Variants in CIMAP1C observed in about 807,000 individuals in gnomAD.
CIMAP1C encodes outer dense fiber of sperm tails 3 like 1.
chr15:75,724,337 T>G, the CIMAP1C span: 1 of 1,544,026 alleles, frequency 6.5e-7, no homozygotes, highest in Non-Finnish European at 9.0e-7. Context: ...ATCCCCACCC[T>G]GGGCTTGGGC....
At chr15:75,726,212 T>TGGGGGTGGGGAGGTG in the CIMAP1C span, 1 of 495,120 alleles carries the variant, frequency 2.0e-6, no homozygotes, top group Admixed American at 3.1e-5. Context: ...GTTGGGAGGT[T>TGGGGGTGGGGAGGTG]GGGGGGTGGG....
At chr15:75,727,594 C>G in the CIMAP1C span, 2 of 1,502,308 alleles carry the variant, frequency 1.3e-6, no homozygotes, top group Non-Finnish European at 8.9e-7. Flanking sequence ...TTTTTCTACA[C>G]CAAATTGAGC....
the CIMAP1C span, chr15:75,727,108 C>T: frequency 6.2e-7 from 1 of 1,613,810 alleles, no homozygotes; most frequent in African/African-American, 1.3e-5. Context: ...AGAAGATCCA[C>T]CCACCGGGGG....
At chr15:75,727,391 G>A in the CIMAP1C span, 47 of 1,613,844 alleles carry the variant, frequency 2.9e-5, no homozygotes, top group Non-Finnish European at 3.8e-5. Flanking sequence ...CAAGCGCTTC[G>A]CCTACCCTCT....
the CIMAP1C span, chr15:75,724,347 C>T: frequency 1.4e-6 from 2 of 1,469,104 alleles, no homozygotes; most frequent in African/African-American, 1.4e-5. Flanking sequence ...TGGGCTTGGG[C>T]CCCCTCCCCT....
At chr15:75,724,374 C>T in the CIMAP1C span, 4 of 1,195,746 alleles carry the variant, frequency 3.3e-6, no homozygotes, top group South Asian at 4.9e-5. Context: ...AGGACTCCTT[C>T]CAGCCTGCCT....
At chr15:75,727,337 G>C in the CIMAP1C span, 1 of 1,614,090 alleles carries the variant, frequency 6.2e-7, no homozygotes, top group Non-Finnish European at 8.5e-7. Context: ...CGCCCGACCT[G>C]AGCCATCCAT....
chr15:75,724,140 C>A, the CIMAP1C span: 1 of 1,111,310 alleles, frequency 9.0e-7, no homozygotes, highest in Non-Finnish European at 1.4e-6. Context: ...GATACTCTAG[C>A]CCCTTGACTG....
chr15:75,725,264 T>C, the CIMAP1C span: 2 of 1,403,516 alleles, frequency 1.4e-6, no homozygotes, highest in Admixed American at 3.4e-5. Context: ...GGAGCTGTTG[T>C]TGGAGGTTGA....
the CIMAP1C span, chr15:75,726,916 A>C: frequency 1.2e-4 from 132 of 1,091,870 alleles, no homozygotes; most frequent in Middle Eastern, 3.1e-4. Flanking sequence ...GTCCGGCCTA[A>C]GTGACCATTT....
At chr15:75,725,017 C>A in the CIMAP1C span, 3 of 807,892 alleles carry the variant, frequency 3.7e-6, no homozygotes, top group African/African-American at 3.4e-5. Flanking sequence ...GAACAAATAC[C>A]CCCAATGTTC....
At chr15:75,725,929 T>C in the CIMAP1C span, 1 of 622,362 alleles carries the variant, frequency 1.6e-6, no homozygotes, top group South Asian at 2.0e-5. Context: ...GATGAGGAAA[T>C]CAAGGGTCCC....
chr15:75,727,282 G>T, the CIMAP1C span: 1 of 1,614,190 alleles, frequency 6.2e-7, no homozygotes, highest in Non-Finnish European at 8.5e-7. Flanking sequence ...ACAAGAACTG[G>T]TTCTACAAGG....
At chr15:75,726,216 G>T in the CIMAP1C span, 3 of 1,234,948 alleles carry the variant, frequency 2.4e-6, no homozygotes, top group South Asian at 1.3e-5. Context: ...GGAGGTTGGG[G>T]GGTGGGGTGC....
chr15:75,726,166 A>G, the CIMAP1C span: 7 of 1,433,546 alleles, frequency 4.9e-6, no homozygotes, highest in African/African-American at 4.4e-5. Flanking sequence ...CGCATCTCCA[A>G]CCTGCGTAAG....
At chr15:75,724,901 A>G in the CIMAP1C span, among the ~76,000 whole-genome samples, 1 of 152,246 alleles carries the variant, frequency 6.6e-6, no homozygotes. Context: ...GCTTCTTATT[A>G]TGCATTGTCT....
the CIMAP1C span, chr15:75,725,018 C>A: frequency 1.2e-6 from 1 of 817,164 alleles, no homozygotes; most frequent in Non-Finnish European, 2.1e-6. Context: ...AACAAATACC[C>A]CCAATGTTCC....
the CIMAP1C span, chr15:75,726,308 C>A: frequency 1.6e-6 from 1 of 624,104 alleles, no homozygotes; most frequent in Non-Finnish European, 2.9e-6. Flanking sequence ...CTGCAAGACA[C>A]CGACATTGCA....
At chr15:75,724,572 C>A in the CIMAP1C span, among the ~76,000 whole-genome samples, 1 of 152,242 alleles carries the variant, frequency 6.6e-6, no homozygotes, top group Non-Finnish European at 1.5e-5. Context: ...GCTTTCCTCA[C>A]TTCCCTTCAA....
Sources: gnomAD v4.1 joint callset for allele counts (sites outside exome capture counted in the v4.1 genomes callset) on GRCh38, gnomAD v4.1.1 for gene constraint, MANE v1.5 for transcripts, NCBI Gene and HGNC (gene_info 2026-07-23, HGNC 2026-07-21) for gene names.